MNAT1: variants seen among roughly 807,000 people sequenced by gnomAD.
MNAT1 encodes MNAT1 component of CDK activating kinase.
Under a neutral mutation model 42.0 loss-of-function variants are expected in MNAT1, and 43 were observed. That is an observed-to-expected ratio of 1.02 (90% CI 0.80 to 1.32). The LOEUF (loss-of-function observed/expected upper bound fraction) is 1.32, where lower values mean the gene tolerates loss of function less well. Ranked by LOEUF, MNAT1 falls within the 40% of genes most tolerant of loss-of-function variation. The probability of loss-of-function intolerance (pLI) is 0.00; values close to 1 mark genes in which losing one functional copy is unlikely to be tolerated. For missense variants in MNAT1, 306 were observed against 350.4 expected, an observed-to-expected ratio of 0.87 and a Z score of 1.01; for synonymous variants, 118 against 120.0, an observed-to-expected ratio of 0.98 and a Z score of 0.11.
intron 4 of MNAT1, among the ~76,000 whole-genome samples, chr14:60,811,496 G>T (rs898179454): frequency 3.3e-5 from 5 of 151,696 alleles, no homozygotes; most frequent in Admixed American, 3.3e-4. Flanking sequence ...TAGAGACAGG[G>T]TTTCACCATG....
At chr14:60,779,788 G>C (rs1043724090) in intron 1 of MNAT1, among the ~76,000 whole-genome samples, 1 of 142,554 alleles carries the variant, frequency 7.0e-6, no homozygotes, top group African/African-American at 2.6e-5. Flanking sequence ...CCGTCTCAAA[G>C]AAAAAAAAAG....
intron 7 of MNAT1, among the ~76,000 whole-genome samples, chr14:60,932,617 G>C (rs2035913887): frequency 6.6e-6 from 1 of 151,666 alleles, no homozygotes; most frequent in Non-Finnish European, 1.5e-5. Context: ...ATTTTTAACT[G>C]TTTTTATATA....
At chr14:60,735,629 A>G (rs1310194912) in intron 1 of MNAT1, among the ~76,000 whole-genome samples, 1 of 152,210 alleles carries the variant, frequency 6.6e-6, no homozygotes, top group Non-Finnish European at 1.5e-5. Flanking sequence ...AGGGAAGGAA[A>G]TCGAGACTGC....
intron 7 of MNAT1, among the ~76,000 whole-genome samples, chr14:60,927,990 G>A (rs1204474669): frequency 1.3e-5 from 2 of 152,084 alleles, no homozygotes; most frequent in Non-Finnish European, 2.9e-5. Flanking sequence ...TAGAACCTTC[G>A]ACAACCCCAA....
chr14:60,856,395 G>C (rs1324890010), intron 6 of MNAT1, among the ~76,000 whole-genome samples: 1 of 152,206 alleles, frequency 6.6e-6, no homozygotes, highest in Non-Finnish European at 1.5e-5. Flanking sequence ...TATGAAGACT[G>C]AGAGAGGTGA....
At chr14:60,835,540 C>A (rs981314759) in intron 6 of MNAT1, among the ~76,000 whole-genome samples, 1 of 152,150 alleles carries the variant, frequency 6.6e-6, no homozygotes, top group Non-Finnish European at 1.5e-5. Context: ...GTTGAAATTT[C>A]TTTTCTTTAA....
chr14:60,831,018 G>A lies in MNAT1; in HGVS notation c.687+12171G>A, dbSNP rs571640339. Among the ~76,000 whole-genome samples, 93 of 151,474 alleles carry A rather than the reference G, an allele frequency of 6.1e-4. No individual in the cohort carries two copies. The South Asian group carries it at 0.012, about 19-fold the overall frequency. Reference sequence around the variant, plus strand: ...TACACTAGAAGCTCTTCCCATTTTTGCTGAGAGAGTGTCTGGCATCTTCTC... The same window carrying A: ...TACACTAGAAGCTCTTCCCATTTTTACTGAGAGAGTGTCTGGCATCTTCTC... On this transcript the variant is annotated intron_variant, in intron 6 of 7. Transcript: ENST00000261245.
intron 1 of MNAT1, among the ~76,000 whole-genome samples, chr14:60,792,494 GT>G (rs960239049): frequency 6.6e-6 from 1 of 152,032 alleles, no homozygotes; most frequent in Non-Finnish European, 1.5e-5. Context: ...GTTATTACTT[GT>G]TTTTTAGCTT....
At chr14:60,837,707 C>G (rs1036379934) in intron 6 of MNAT1, among the ~76,000 whole-genome samples, 6 of 152,196 alleles carry the variant, frequency 3.9e-5, no homozygotes, top group Admixed American at 3.9e-4. Flanking sequence ...AGAGCCTCTC[C>G]TAGATGCTGC....
At chr14:60,914,841 C>G (rs552360624) in intron 7 of MNAT1, among the ~76,000 whole-genome samples, 4 of 152,122 alleles carry the variant, frequency 2.6e-5, no homozygotes, top group African/African-American at 7.2e-5. Context: ...AATCAAATGG[C>G]TATACTTTGG....
intron 1 of MNAT1, among the ~76,000 whole-genome samples, chr14:60,794,895 T>A (rs1320070607): frequency 6.6e-6 from 1 of 151,990 alleles, no homozygotes; most frequent in Non-Finnish European, 1.5e-5. Flanking sequence ...TGTCTTGTAT[T>A]CATTTTTTTG....
At chr14:60,951,934 A>T (rs558120152) in intron 7 of MNAT1, among the ~76,000 whole-genome samples, 7 of 152,270 alleles carry the variant, frequency 4.6e-5, no homozygotes, top group Admixed American at 2.0e-4. Flanking sequence ...CGGGTGGAGC[A>T]GGCTTGGGTA....
chr14:60,912,388 C>T (rs1194043176), intron 7 of MNAT1, among the ~76,000 whole-genome samples: 3 of 151,962 alleles, frequency 2.0e-5, no homozygotes, highest in Middle Eastern at 3.2e-3. Context: ...TTATTTTGCT[C>T]GTTAGTTGAT....
At chr14:60,847,151 C>T (rs1316301438) in intron 6 of MNAT1, among the ~76,000 whole-genome samples, 1 of 151,950 alleles carries the variant, frequency 6.6e-6, no homozygotes, top group Non-Finnish European at 1.5e-5. Flanking sequence ...CACCTGTAAT[C>T]CCCAGCACTT....
At chr14:60,735,577 T>C (rs1395404342) in intron 1 of MNAT1, among the ~76,000 whole-genome samples, 2 of 152,198 alleles carry the variant, frequency 1.3e-5, no homozygotes, top group Non-Finnish European at 2.9e-5. Flanking sequence ...AGTTCATTCC[T>C]ACAACAGTCC....
chr14:60,897,170 A>C (rs1036426601), intron 7 of MNAT1, among the ~76,000 whole-genome samples: 3 of 152,174 alleles, frequency 2.0e-5, no homozygotes, highest in Admixed American at 6.5e-5. Flanking sequence ...AAAATAATTA[A>C]AAATTACAGA....
chr14:60,941,627 G>A (rs1453311468), intron 7 of MNAT1, among the ~76,000 whole-genome samples: 2 of 151,716 alleles, frequency 1.3e-5, no homozygotes, highest in Non-Finnish European at 2.9e-5. Context: ...GATCACTTGA[G>A]CCCAGGAGTT....
chr14:60,885,720 G>A (rs1017341811), intron 7 of MNAT1, among the ~76,000 whole-genome samples: 3 of 151,920 alleles, frequency 2.0e-5, no homozygotes, highest in Non-Finnish European at 2.9e-5. Context: ...GTGTAGGTTG[G>A]TTTTTCATTT....
intron 1 of MNAT1, chr14:60,753,650 C>G (rs963966915): frequency 1.3e-5 from 2 of 152,136 alleles, no homozygotes; most frequent in Non-Finnish European, 2.9e-5. Flanking sequence ...TGTTCAGAGT[C>G]CTAAATACAG....
Sources: gnomAD v4.1 joint callset for allele counts (sites outside exome capture counted in the v4.1 genomes callset) on GRCh38, gnomAD v4.1.1 for gene constraint, MANE v1.5 for transcripts, NCBI Gene and HGNC (gene_info 2026-07-23, HGNC 2026-07-21) for gene names.